CXCL13: variants seen among roughly 807,000 people sequenced by gnomAD.
The protein encoded by CXCL13 is C-X-C motif chemokine ligand 13.
CXCL13 carries 7 observed loss-of-function variants against 12.2 expected under a neutral mutation model. That is an observed-to-expected ratio of 0.57 (90% confidence interval 0.33 to 1.07). CXCL13 has a LOEUF of 1.07. CXCL13 is among the 50% of genes least tolerant of loss of function. The probability of loss-of-function intolerance (pLI) is 0.04; values close to 1 mark genes in which losing one functional copy is unlikely to be tolerated. For synonymous variants in CXCL13, 47 were observed against 42.4 expected, an observed-to-expected ratio of 1.11 and a Z score of -0.42; for missense variants, 113 against 127.4, an observed-to-expected ratio of 0.89 and a Z score of 0.55.
At chr4:77,558,151 T>C (rs951953212) in intron 1 of CXCL13, among the ~76,000 whole-genome samples, 7 of 152,236 alleles carry the variant, frequency 4.6e-5, no homozygotes, top group African/African-American at 1.7e-4. Flanking sequence ...TTATAAAAAA[T>C]GGCTAGGTCC....
At chr4:77,548,377 T>C (rs1343689060) in intron 1 of CXCL13, among the ~76,000 whole-genome samples, 1 of 152,242 alleles carries the variant, frequency 6.6e-6, no homozygotes, top group Non-Finnish European at 1.5e-5. Flanking sequence ...TCCAGTCATG[T>C]GCAAGTTTAA....
At chr4:77,579,981 G>A (rs1726278490) in intron 1 of CXCL13, among the ~76,000 whole-genome samples, 1 of 152,156 alleles carries the variant, frequency 6.6e-6, no homozygotes, top group Non-Finnish European at 1.5e-5. Context: ...TAGACACAGA[G>A]AGTCAGATCA....
intron 1 of CXCL13, among the ~76,000 whole-genome samples, chr4:77,544,901 T>C (rs1210492608): frequency 6.6e-6 from 1 of 152,246 alleles, no homozygotes; most frequent in African/African-American, 2.4e-5. Flanking sequence ...AAGTCTTTAA[T>C]CCATCTTGAA....
At chr4:77,610,755 T>C (rs778460373) in intron 3 of CXCL13, 61 bp downstream of exon 3, 8 of 1,315,094 alleles carry the variant, frequency 6.1e-6, no homozygotes, top group Non-Finnish European at 8.8e-6. Context: ...TTCCCTTTCC[T>C]GGGCAGTCAA....
chr4:77,547,565 T>A (rs1265656761), intron 1 of CXCL13, among the ~76,000 whole-genome samples: 3 of 152,170 alleles, frequency 2.0e-5, no homozygotes, highest in Non-Finnish European at 4.4e-5. Flanking sequence ...CCCTGCTTTT[T>A]TTTTGTTTTC....
chr4:77,555,520 A>G (rs1725638427), intron 1 of CXCL13, among the ~76,000 whole-genome samples: 1 of 152,122 alleles, frequency 6.6e-6, no homozygotes. Flanking sequence ...AAGACTAATT[A>G]TAAATAGAAT....
chr4:77,525,118 A>G (rs1313149644), intron 1 of CXCL13, among the ~76,000 whole-genome samples: 2 of 152,130 alleles, frequency 1.3e-5, no homozygotes, highest in African/African-American at 4.8e-5. Context: ...TCTGCCTTCC[A>G]TTATAGGATG....
chr4:77,608,544 A>G (rs1727062261), intron 2 of CXCL13, among the ~76,000 whole-genome samples: 1 of 152,108 alleles, frequency 6.6e-6, no homozygotes, highest in Admixed American at 6.5e-5. Flanking sequence ...TATTAGGCAC[A>G]GCATCTTTCT....
chr4:77,608,848 GA>G (rs1212278454), intron 2 of CXCL13, among the ~76,000 whole-genome samples: 1 of 152,170 alleles, frequency 6.6e-6, no homozygotes, highest in Non-Finnish European at 1.5e-5. Context: ...TGGCTGTTTA[GA>G]AAACTGGGAC....
intron 1 of CXCL13, among the ~76,000 whole-genome samples, chr4:77,523,689 C>T (rs541656840): frequency 6.6e-6 from 1 of 152,266 alleles, no homozygotes; most frequent in African/African-American, 2.4e-5. Context: ...TTGTTATTAC[C>T]GATTTCTGAA....
chr4:77,564,890 T>A (rs1479671248), intron 1 of CXCL13, among the ~76,000 whole-genome samples: 1 of 152,152 alleles, frequency 6.6e-6, no homozygotes, highest in Non-Finnish European at 1.5e-5. Flanking sequence ...AGTTCCCCAT[T>A]TCTTCAGGGG....
chr4:77,605,963 G>T, intron 1 of CXCL13, 34 bp downstream of exon 1: 1 of 1,483,338 alleles, frequency 6.7e-7, no homozygotes, highest in South Asian at 1.2e-5. Context: ...ACTGTTTGTT[G>T]AACAGAAATA....
intron 1 of CXCL13, among the ~76,000 whole-genome samples, chr4:77,526,713 A>G (rs1382072654): frequency 6.6e-6 from 1 of 152,160 alleles, no homozygotes; most frequent in Non-Finnish European, 1.5e-5. Flanking sequence ...GCAAGCAGAT[A>G]AGTAAAATTG....
chr4:77,538,822 C>T (rs1215692113), intron 1 of CXCL13, among the ~76,000 whole-genome samples: 2 of 152,100 alleles, frequency 1.3e-5, no homozygotes, highest in African/African-American at 4.8e-5. Flanking sequence ...TGGAAGTTAT[C>T]CAAGTCACAT....
chr4:77,562,322 G>T (rs1349465557), intron 1 of CXCL13, among the ~76,000 whole-genome samples: 2 of 152,008 alleles, frequency 1.3e-5, no homozygotes, highest in African/African-American at 2.4e-5. Context: ...GGGCTGAGGA[G>T]TGCGGGCACA....
At chr4:77,558,312 G>T (rs889219676) in intron 1 of CXCL13, among the ~76,000 whole-genome samples, 2 of 152,178 alleles carry the variant, frequency 1.3e-5, no homozygotes, top group Non-Finnish European at 2.9e-5. Context: ...CATTGCCTTT[G>T]AGCAAGGGGA....
At chr4:77,529,134 C>G (rs1449434940) in intron 1 of CXCL13, among the ~76,000 whole-genome samples, 1 of 152,102 alleles carries the variant, frequency 6.6e-6, no homozygotes, top group South Asian at 2.1e-4. Context: ...TTCCATTGGT[C>G]TATATCTCTG....
intron 1 of CXCL13, among the ~76,000 whole-genome samples, chr4:77,575,630 CT>C (rs79592891): frequency 8.6e-5 from 13 of 151,798 alleles, no homozygotes; most frequent in African/African-American, 2.4e-4. Flanking sequence ...ATGAATGCAT[CT>C]TTTTTTATGG....
intron 1 of CXCL13, among the ~76,000 whole-genome samples, chr4:77,537,953 C>T (rs1446452256): frequency 2.0e-5 from 3 of 152,146 alleles, no homozygotes; most frequent in African/African-American, 7.2e-5. Flanking sequence ...CTTTCTGTTG[C>T]AGTTTCTAAG....
Sources: gnomAD v4.1 joint callset for allele counts (sites outside exome capture counted in the v4.1 genomes callset) on GRCh38, gnomAD v4.1.1 for gene constraint, MANE v1.5 for transcripts, NCBI Gene and HGNC (gene_info 2026-07-23, HGNC 2026-07-21) for gene names.